The following SLC9C1 variants were observed in gnomAD, a reference collection of about 807,000 sequenced individuals.
SLC9C1 encodes the protein sodium/hydrogen exchanger 10.
SLC9C1 carries 97 observed loss-of-function variants against 140.9 expected under a neutral mutation model. The ratio of observed to expected loss-of-function variants is 0.69; its 90% CI spans 0.58 to 0.82. SLC9C1 has a LOEUF of 0.82. Ranked by LOEUF, SLC9C1 falls within the 40% of genes least tolerant of loss-of-function variation. The pLI is 0.00. For missense variants in SLC9C1, 1,340 were observed against 1,389.3 expected (o/e 0.96, Z 0.56); for synonymous variants, 440 against 442.6 (o/e 0.99, Z 0.07).
At chr3:112,175,379 G>A (rs981819913) in intron 23 of SLC9C1, among the ~76,000 whole-genome samples, 2 of 152,180 alleles carry the variant, frequency 1.3e-5, no homozygotes, top group East Asian at 1.9e-4. Flanking sequence ...CCTGTAGGAG[G>A]TAGCTGGAGA....
intron 8 of SLC9C1, among the ~76,000 whole-genome samples, chr3:112,264,668 A>AT (rs1449081099): frequency 6.6e-6 from 1 of 151,958 alleles, no homozygotes; most frequent in African/African-American, 2.4e-5. Context: ...AAGATGGGAG[A>AT]TGGTACACCT....
chr3:112,280,142 G>A (rs2080318786), intron 3 of SLC9C1, among the ~76,000 whole-genome samples: 1 of 152,198 alleles, frequency 6.6e-6, no homozygotes, highest in Non-Finnish European at 1.5e-5. Context: ...GTTTGGGAAA[G>A]TCAATCATTT....
At chr3:112,176,578 A>T (rs550421903) in intron 23 of SLC9C1, among the ~76,000 whole-genome samples, 3 of 152,180 alleles carry the variant, frequency 2.0e-5, no homozygotes, top group Non-Finnish European at 4.4e-5. Flanking sequence ...TCACAATTTC[A>T]TGCTTCTTTG....
intron 28 of SLC9C1, among the ~76,000 whole-genome samples, chr3:112,150,636 A>T (rs1412459901): frequency 6.6e-6 from 1 of 151,664 alleles, no homozygotes; most frequent in South Asian, 2.1e-4. Flanking sequence ...ATCCGCCATT[A>T]AATTCATCTT....
intron 1 of SLC9C1, among the ~76,000 whole-genome samples, chr3:112,289,881 G>A (rs527696632): frequency 4.8e-4 from 73 of 152,262 alleles, no homozygotes; most frequent in African/African-American, 1.7e-3. Flanking sequence ...CTCAACCTTG[G>A]CCACACATGG....
intron 7 of SLC9C1, among the ~76,000 whole-genome samples, chr3:112,269,070 A>G (rs1177510281): frequency 6.6e-6 from 1 of 152,192 alleles, no homozygotes; most frequent in African/African-American, 2.4e-5. Flanking sequence ...TTTTGATCTA[A>G]CAGTTACCAA....
rs1445615881 is a variant in SLC9C1 at position 112,169,220 on chromosome 3, T to A, written c.3028A>T (p.Ile1010Phe). 6.2e-7 allele frequency: 1 copy of A among 1,613,258 alleles called. No homozygotes were observed. The highest frequency in any genetic ancestry group is 8.5e-7 in the Non-Finnish European group (1 of 1,179,702). ...ACCTCATAAGATAAGTGTTCTCTGA[T>A]TTTTCTGGCTGTAATAGCGAGTCCA... is the stretch of plus-strand genomic sequence containing the variant. The part of the protein sequence containing the change: ...KLGLAITARK[I>F]REHLSYEDWN... Residue 1010 changes from isoleucine (I) to phenylalanine (F), a missense_variant, in exon 24 of 29, where the codon ATC becomes TTC. Coordinates refer to ENST00000305815, the MANE Select transcript of SLC9C1 (RefSeq NM_183061.3).
At chr3:112,226,166 T>A (rs570435029) in intron 13 of SLC9C1, among the ~76,000 whole-genome samples, 6 of 152,198 alleles carry the variant, frequency 3.9e-5, no homozygotes, top group Admixed American at 3.3e-4. Context: ...CCCAAATTTT[T>A]AAAAAATTAA....
chr3:112,239,946 T>C lies in SLC9C1; in HGVS notation c.1340A>G (p.Gln447Arg). The stretch of plus-strand genomic sequence containing the variant: ...AGAGGCTGCAGACTTGGTTAGCTCT[T>C]GAAAGTGTTGAAATGTGCAACAAAC... ...KSVCCTFQHF[Q>R]ELTKSAASAL... Residue 447 changes from glutamine to arginine, a missense_variant, in exon 12 of 29, where the codon CAA becomes CGA. By Grantham distance (43) the Gln-to-Arg change is conservative. Coordinates refer to ENST00000305815, the MANE Select transcript of SLC9C1 (RefSeq NM_183061.3). The C allele has an allele frequency of 6.2e-7, 1 of 1,613,906 alleles. No individual in the cohort carries two copies. The highest frequency in any genetic ancestry group is 8.5e-7 in the Non-Finnish European group (1 of 1,179,936).
chr3:112,261,088 G>T (rs1278356699), intron 10 of SLC9C1, among the ~76,000 whole-genome samples: 2 of 152,084 alleles, frequency 1.3e-5, no homozygotes, highest in Non-Finnish European at 2.9e-5. Flanking sequence ...CAGAGTGAAT[G>T]TGAACTCTCC....
chr3:112,223,210 C>T (rs1299596493), intron 13 of SLC9C1, among the ~76,000 whole-genome samples: 1 of 152,020 alleles, frequency 6.6e-6, no homozygotes, highest in East Asian at 1.9e-4. Context: ...TGGTGGTGTC[C>T]CTCTGTAGCC....
intron 13 of SLC9C1, among the ~76,000 whole-genome samples, chr3:112,230,180 C>A (rs2078783938): frequency 6.6e-6 from 1 of 152,110 alleles, no homozygotes; most frequent in Non-Finnish European, 1.5e-5. Flanking sequence ...GTTTCTCTAT[C>A]CTGTTCCATT....
chr3:112,252,741 G>A (rs2079497504), intron 10 of SLC9C1, among the ~76,000 whole-genome samples: 1 of 152,152 alleles, frequency 6.6e-6, no homozygotes, highest in Non-Finnish European at 1.5e-5. Flanking sequence ...AGAGAGTCAA[G>A]GTGACCAGGG....
chr3:112,282,823 T>C (rs1300905725), intron 2 of SLC9C1, among the ~76,000 whole-genome samples: 1 of 152,362 alleles, frequency 6.6e-6, no homozygotes, highest in Admixed American at 6.5e-5. Context: ...ATTCCATTTT[T>C]CCACAAATTT....
intron 13 of SLC9C1, among the ~76,000 whole-genome samples, chr3:112,222,343 A>G (rs2078563687): frequency 6.6e-6 from 1 of 152,162 alleles, no homozygotes. Context: ...AAATATATCT[A>G]AAATTAAGAA....
At chr3:112,164,642 G>A (rs546482061) in intron 26 of SLC9C1, among the ~76,000 whole-genome samples, 19 of 151,260 alleles carry the variant, frequency 1.3e-4, no homozygotes, top group South Asian at 2.1e-4. Context: ...TGAGAGGTCC[G>A]CTATTAGTCG....
At chr3:112,271,393 G>GTGTATA (rs142798462) in intron 6 of SLC9C1, among the ~76,000 whole-genome samples, 1 of 125,574 alleles carries the variant, frequency 8.0e-6, no homozygotes, top group Admixed American at 8.8e-5. Context: ...ATTCTACATT[G>GTGTATA]TATATATATA....
chr3:112,273,706 A>T (rs2080139361), intron 6 of SLC9C1, among the ~76,000 whole-genome samples: 1 of 152,200 alleles, frequency 6.6e-6, no homozygotes, highest in Non-Finnish European at 1.5e-5. Flanking sequence ...CTCTCTAGGG[A>T]CAGGGAAAAC....
chr3:112,159,487 C>T (rs1218837766), intron 26 of SLC9C1, among the ~76,000 whole-genome samples: 2 of 152,030 alleles, frequency 1.3e-5, no homozygotes, highest in East Asian at 1.9e-4. Context: ...TAACATGTGG[C>T]CTATCCTGGA....
Sources: gnomAD v4.1 joint callset for allele counts (sites outside exome capture counted in the v4.1 genomes callset) on GRCh38, gnomAD v4.1.1 for gene constraint, MANE v1.5 for transcripts, NCBI Gene and HGNC (gene_info 2026-07-23, HGNC 2026-07-21) for gene names.